The following ZNF609 variants were observed in gnomAD, a reference collection of about 807,000 sequenced individuals.
ZNF609 encodes zinc finger protein 609.
ZNF609 carries 11 observed loss-of-function variants against 109.5 expected under a neutral mutation model. That is an observed-to-expected ratio of 0.10 (90% CI 0.06 to 0.17). The LOEUF (loss-of-function observed/expected upper bound fraction) is 0.17. Ranked by LOEUF, ZNF609 falls within the 10% of genes least tolerant of loss-of-function variation. The pLI, the probability that ZNF609 is intolerant of heterozygous loss-of-function variation, is 1.00. For synonymous variants in ZNF609, 646 were observed against 662.0 expected (o/e 0.98, Z 0.37); for missense variants, 1,559 against 1,772.4 (o/e 0.88, Z 2.16).
At chr15:64,476,306 A>C (rs1870747499) in intron 1 of ZNF609, among the ~76,000 whole-genome samples, 1 of 151,966 alleles carries the variant, frequency 6.6e-6, no homozygotes, top group Non-Finnish European at 1.5e-5. Flanking sequence ...AAAAAAATCA[A>C]CCTCATGGAT....
intron 2 of ZNF609, among the ~76,000 whole-genome samples, chr15:64,579,428 A>G (rs928428686): frequency 4.0e-5 from 6 of 150,816 alleles, no homozygotes; most frequent in African/African-American, 7.3e-5. Context: ...AAAAAAAAAA[A>G]GTAGCCAGAC....
At chr15:64,600,636 T>TGAAA (rs1380914550) in intron 2 of ZNF609, among the ~76,000 whole-genome samples, 9 of 107,308 alleles carry the variant, frequency 8.4e-5, no homozygotes, top group East Asian at 8.3e-4. Flanking sequence ...ATCCCATCTC[T>TGAAA]GAAAGAAAGA....
chr15:64,550,777 A>C (rs1429838242), intron 2 of ZNF609, among the ~76,000 whole-genome samples: 1 of 145,474 alleles, frequency 6.9e-6, no homozygotes, highest in East Asian at 2.2e-4. Flanking sequence ...TGGAAATTGC[A>C]GTGAGCCGAT....
At chr15:64,500,751 T>C (rs1893550311) in intron 2 of ZNF609, 1 of 293,964 alleles carries the variant, frequency 3.4e-6, no homozygotes. Context: ...GGTACTTAGA[T>C]CTTATGAGTT....
At chr15:64,627,207 AAAAAC>A (rs1286532680) in intron 3 of ZNF609, among the ~76,000 whole-genome samples, 5 of 152,176 alleles carry the variant, frequency 3.3e-5, no homozygotes, top group Admixed American at 2.0e-4. Context: ...AAAAACAAAA[AAAAAC>A]AAAACAAAAC....
intron 2 of ZNF609, among the ~76,000 whole-genome samples, chr15:64,519,445 G>A (rs1893860363): frequency 6.6e-6 from 1 of 152,124 alleles, no homozygotes; most frequent in Non-Finnish European, 1.5e-5. Context: ...TTGGCATATT[G>A]GGAACTGCTT....
intron 2 of ZNF609, among the ~76,000 whole-genome samples, chr15:64,528,319 G>A (rs1024104445): frequency 6.6e-6 from 1 of 151,488 alleles, no homozygotes; most frequent in Non-Finnish European, 1.5e-5. Context: ...GGCTGGTCTC[G>A]AACTCCTGAC....
chr15:64,547,142 A>G (rs1429282645), intron 2 of ZNF609, among the ~76,000 whole-genome samples: 2 of 148,238 alleles, frequency 1.3e-5, no homozygotes, highest in Non-Finnish European at 1.5e-5. Context: ...TTCATTTTTC[A>G]TTTGTTTGCT....
intron 2 of ZNF609, among the ~76,000 whole-genome samples, chr15:64,619,096 C>G (rs1895842875): frequency 6.6e-6 from 1 of 152,244 alleles, no homozygotes; most frequent in South Asian, 2.1e-4. Flanking sequence ...ACTCCTACCT[C>G]AGCGTCCCAA....
At chr15:64,557,706 G>T (rs780668640) in intron 2 of ZNF609, among the ~76,000 whole-genome samples, 32 of 151,722 alleles carry the variant, frequency 2.1e-4, no homozygotes, top group East Asian at 1.2e-3. Context: ...AGATTTTCTG[G>T]TTTTTTTTGG....
chr15:64,479,693 C>T (rs1008414258), intron 1 of ZNF609, among the ~76,000 whole-genome samples: 2 of 151,848 alleles, frequency 1.3e-5, no homozygotes, highest in Non-Finnish European at 2.9e-5. Flanking sequence ...CCGAGGTGGG[C>T]GGATCACTTG....
chr15:64,636,958 A>G (rs1297101242), intron 3 of ZNF609, among the ~76,000 whole-genome samples: 1 of 152,212 alleles, frequency 6.6e-6, no homozygotes, highest in African/African-American at 2.4e-5. Context: ...TACGTGTGCA[A>G]GTCTGCATTT....
chr15:64,594,663 A>G (rs956914440), intron 2 of ZNF609, among the ~76,000 whole-genome samples: 3 of 151,778 alleles, frequency 2.0e-5, no homozygotes, highest in Non-Finnish European at 4.4e-5. Flanking sequence ...TTTGAGGGCC[A>G]TTGATTTTAA....
At chr15:64,459,932 T>C (rs56105035), upstream of ZNF609, among the ~76,000 whole-genome samples, 9,315 of 151,938 alleles carry the variant, frequency 0.061, 291 homozygotes, top group South Asian at 0.086. Context: ...CAGAATAAGG[T>C]TTTTAGATAA....
chr15:64,474,878 C>G (rs1893144449), intron 1 of ZNF609, among the ~76,000 whole-genome samples: 1 of 152,146 alleles, frequency 6.6e-6, no homozygotes, highest in African/African-American at 2.4e-5. Context: ...CTACATAGGT[C>G]AATATTCAAG....
At chr15:64,573,290 T>C (rs1011066941) in intron 2 of ZNF609, among the ~76,000 whole-genome samples, 2 of 150,960 alleles carry the variant, frequency 1.3e-5, no homozygotes, top group African/African-American at 4.9e-5. Context: ...AATCATAATC[T>C]GTATTTTCAA....
At chr15:64,680,579 G>T in intron 7 of ZNF609, 67 bp from the exon 8 acceptor site, 1 of 1,348,904 alleles carries the variant, frequency 7.4e-7, no homozygotes, top group Non-Finnish European at 1.0e-6. Context: ...GTGTGTGTGT[G>T]TGTGTGTGTG....
chr15:64,613,618 T>C (rs1895750603), intron 2 of ZNF609, among the ~76,000 whole-genome samples: 1 of 152,096 alleles, frequency 6.6e-6, no homozygotes, highest in Non-Finnish European at 1.5e-5. Context: ...TGGTGTGATC[T>C]CAGCTCACTG....
chr15:64,516,749 T>C (rs1893817134), intron 2 of ZNF609, among the ~76,000 whole-genome samples: 2 of 152,304 alleles, frequency 1.3e-5, no homozygotes, highest in South Asian at 4.1e-4. Context: ...TAAGAATATA[T>C]ATATATTTTT....
Sources: gnomAD v4.1 joint callset for allele counts (sites outside exome capture counted in the v4.1 genomes callset) on GRCh38, gnomAD v4.1.1 for gene constraint, MANE v1.5 for transcripts, NCBI Gene and HGNC (gene_info 2026-07-23, HGNC 2026-07-21) for gene names.